The following BFSP2 variants were observed in gnomAD, a reference collection of about 807,000 sequenced individuals.
The protein encoded by BFSP2 is phakinin.
BFSP2 carries 38 observed loss-of-function variants against 44.9 expected under a neutral mutation model. That is an observed-to-expected ratio of 0.85 (90% CI 0.65 to 1.11). The LOEUF (loss-of-function observed/expected upper bound fraction) is 1.11, where lower values mean the gene tolerates loss of function less well. Ranked by LOEUF, BFSP2 falls within the 50% of genes least tolerant of loss-of-function variation. The probability of loss-of-function intolerance (pLI) is 0.00; values close to 1 mark genes in which losing one functional copy is unlikely to be tolerated. For synonymous variants in BFSP2, 197 were observed against 209.9 expected, an observed-to-expected ratio of 0.94 and a Z score of 0.53; for missense variants, 525 against 533.0, an observed-to-expected ratio of 0.99 and a Z score of 0.15.
intron 1 of BFSP2, among the ~76,000 whole-genome samples, chr3:133,422,105 CAAA>C (rs35193779): frequency 7.1e-5 from 6 of 84,110 alleles, no homozygotes; most frequent in Non-Finnish European, 1.0e-4. Context: ...GACTCCATCT[CAAA>C]AAAAAAAAAA....
intron 6 of BFSP2, 48 bp downstream of exon 6, chr3:133,472,613 CT>C: frequency 6.4e-7 from 1 of 1,561,976 alleles, no homozygotes; most frequent in Non-Finnish European, 8.7e-7. Context: ...ATATTCATGG[CT>C]TTAAAAATAA....
chr3:133,433,638 T>C (rs995288230), intron 1 of BFSP2, among the ~76,000 whole-genome samples: 2 of 152,210 alleles, frequency 1.3e-5, no homozygotes, highest in African/African-American at 4.8e-5. Flanking sequence ...TTCCCTTCTG[T>C]CAGACATAAT....
At chr3:133,456,874 G>A (rs968724673) in intron 4 of BFSP2, among the ~76,000 whole-genome samples, 1 of 152,260 alleles carries the variant, frequency 6.6e-6, no homozygotes, top group African/African-American at 2.4e-5. Flanking sequence ...ATTTACCCAC[G>A]AGGAGAATAG....
intron 1 of BFSP2, among the ~76,000 whole-genome samples, chr3:133,425,350 G>A (rs1346438581): frequency 2.0e-5 from 3 of 152,178 alleles, no homozygotes; most frequent in Non-Finnish European, 4.4e-5. Flanking sequence ...GGCACGTGAT[G>A]GATGTCAACC....
At chr3:133,410,095 GT>G in intron 1 of BFSP2, 1 of 179,622 alleles carries the variant, frequency 5.6e-6, no homozygotes. Flanking sequence ...AGGAAGATAA[GT>G]TATCGAGTTG....
At chr3:133,443,947 A>G (rs1267710112) in intron 1 of BFSP2, among the ~76,000 whole-genome samples, 1 of 152,066 alleles carries the variant, frequency 6.6e-6, no homozygotes, top group Non-Finnish European at 1.5e-5. Flanking sequence ...CAAATCTCTC[A>G]TCCACCACCA....
At chr3:133,436,819 T>C (rs953372191) in intron 1 of BFSP2, among the ~76,000 whole-genome samples, 16 of 152,154 alleles carry the variant, frequency 1.1e-4, no homozygotes, top group African/African-American at 3.9e-4. Context: ...AGTGTCCTCA[T>C]TGTTCAGTTA....
At chr3:133,408,293 T>C (rs2073421144) in intron 1 of BFSP2, among the ~76,000 whole-genome samples, 1 of 152,222 alleles carries the variant, frequency 6.6e-6, no homozygotes, top group Non-Finnish European at 1.5e-5. Flanking sequence ...AGAGAAATTT[T>C]TAAAATCTAC....
intron 5 of BFSP2, among the ~76,000 whole-genome samples, chr3:133,470,179 A>G (rs2074148861): frequency 6.6e-6 from 1 of 152,248 alleles, no homozygotes; most frequent in Non-Finnish European, 1.5e-5. Flanking sequence ...TTTATTTTCT[A>G]GTGATCACGT....
intron 1 of BFSP2, among the ~76,000 whole-genome samples, chr3:133,413,883 T>C (rs1159812655): frequency 6.6e-6 from 1 of 151,916 alleles, no homozygotes. Context: ...AACACTACAG[T>C]GTGGAAGTTA....
At chr3:133,419,519 A>G (rs907862134) in intron 1 of BFSP2, among the ~76,000 whole-genome samples, 1 of 152,242 alleles carries the variant, frequency 6.6e-6, no homozygotes, top group African/African-American at 2.4e-5. Context: ...TTGATAAGAT[A>G]GAGCTATAGT....
chr3:133,441,149 C>T (rs553927130), intron 1 of BFSP2, among the ~76,000 whole-genome samples: 2 of 151,402 alleles, frequency 1.3e-5, no homozygotes, highest in Non-Finnish European at 2.9e-5. Flanking sequence ...AAGCAATTCT[C>T]CTGCCTCAAC....
At chr3:133,459,749 T>C (rs2074045123) in intron 4 of BFSP2, among the ~76,000 whole-genome samples, 1 of 152,208 alleles carries the variant, frequency 6.6e-6, no homozygotes. Flanking sequence ...GTCGGGAGTG[T>C]GTGCTGCCTG....
At chr3:133,434,564 G>A (rs1212108014) in intron 1 of BFSP2, among the ~76,000 whole-genome samples, 2 of 152,088 alleles carry the variant, frequency 1.3e-5, no homozygotes, top group Non-Finnish European at 2.9e-5. Flanking sequence ...CCAAGCCATC[G>A]CAACCCCTGT....
intron 3 of BFSP2, chr3:133,448,897 T>A: frequency 2.0e-6 from 1 of 508,160 alleles, no homozygotes; most frequent in Non-Finnish European, 3.5e-6. Flanking sequence ...GTCTTGGCAC[T>A]AGCAAATGAG....
intron 1 of BFSP2, among the ~76,000 whole-genome samples, chr3:133,409,051 A>G (rs1343361304): frequency 6.6e-6 from 1 of 152,264 alleles, no homozygotes; most frequent in Non-Finnish European, 1.5e-5. Flanking sequence ...GAATCCAGCT[A>G]TGTACCAAGT....
intron 5 of BFSP2, 59 bp downstream of exon 5, chr3:133,467,018 A>G: frequency 8.1e-6 from 13 of 1,599,978 alleles, no homozygotes; most frequent in Non-Finnish European, 1.1e-5. Flanking sequence ...TCTACTGTCA[A>G]ATTCCAGTAT....
chr3:133,423,782 T>A (rs1240913528), intron 1 of BFSP2, among the ~76,000 whole-genome samples: 1 of 152,074 alleles, frequency 6.6e-6, no homozygotes, highest in Non-Finnish European at 1.5e-5. Flanking sequence ...GGAACTGTCT[T>A]ACATACCTAG....
intron 5 of BFSP2, among the ~76,000 whole-genome samples, chr3:133,470,362 G>A (rs905602814): frequency 6.6e-6 from 1 of 152,192 alleles, no homozygotes; most frequent in Non-Finnish European, 1.5e-5. Context: ...GGTCATAAGG[G>A]TGTAAAAAGT....
Sources: allele counts gnomAD v4.1 joint callset (sites outside exome capture counted in the v4.1 genomes callset), GRCh38; gene constraint gnomAD v4.1.1; transcripts MANE v1.5; gene names NCBI Gene and HGNC (gene_info 2026-07-23, HGNC 2026-07-21).